YEATS2: variants seen among roughly 807,000 people sequenced by gnomAD.
The protein encoded by YEATS2 is YEATS domain-containing protein 2.
A neutral mutation model predicts 163.2 loss-of-function variants in YEATS2; 77 were observed. That is an observed-to-expected ratio of 0.47 (90% CI 0.39 to 0.57). The LOEUF is 0.57. YEATS2 is among the 20% of genes least tolerant of loss of function. The pLI, the probability that YEATS2 is intolerant of heterozygous loss-of-function variation, is 0.00. For missense variants in YEATS2, 1,549 were observed against 1,729.8 expected, an observed-to-expected ratio of 0.90 and a Z score of 1.85; for synonymous variants, 631 against 645.1, an observed-to-expected ratio of 0.98 and a Z score of 0.33.
intron 15 of YEATS2, among the ~76,000 whole-genome samples, chr3:183,771,018 G>A (rs746202672): frequency 6.6e-5 from 10 of 152,164 alleles, no homozygotes; most frequent in Non-Finnish European, 1.2e-4. Context: ...TTGAACGCAT[G>A]TATGTTTCTC....
intron 21 of YEATS2, among the ~76,000 whole-genome samples, chr3:183,796,286 C>G (rs1725148936): frequency 6.6e-6 from 1 of 151,656 alleles, no homozygotes; most frequent in African/African-American, 2.4e-5. Flanking sequence ...GCGTGAGCCA[C>G]CGCACCCGAC....
At chr3:183,775,676 C>A (rs747336265) in intron 17 of YEATS2, among the ~76,000 whole-genome samples, 4 of 152,160 alleles carry the variant, frequency 2.6e-5, no homozygotes, top group Non-Finnish European at 4.4e-5. Flanking sequence ...TCATTGTACT[C>A]AGAGCCGAAA....
intron 8 of YEATS2, 33 bp from the exon 9 acceptor site, chr3:183,747,639 A>G: frequency 2.5e-6 from 4 of 1,599,022 alleles, no homozygotes; most frequent in Non-Finnish European, 3.4e-6. Context: ...AAGTGCAGTG[A>G]AATTTAACAC....
intron 1 of YEATS2, among the ~76,000 whole-genome samples, chr3:183,710,424 A>G (rs761212451): frequency 6.6e-6 from 1 of 152,336 alleles, no homozygotes; most frequent in Non-Finnish European, 1.5e-5. Context: ...TGCACATTAC[A>G]CATTATTATT....
intron 1 of YEATS2, among the ~76,000 whole-genome samples, chr3:183,705,134 C>T (rs938126786): frequency 6.6e-6 from 1 of 151,992 alleles, no homozygotes; most frequent in African/African-American, 2.4e-5. Context: ...ACTGCAGGCT[C>T]CATCTCCTGG....
At chr3:183,717,853 C>G in intron 3 of YEATS2, 105 bp downstream of exon 3, 2 of 499,876 alleles carry the variant, frequency 4.0e-6, no homozygotes, top group Admixed American at 9.6e-5. Context: ...CTTTATCCTC[C>G]TCTTTGCTTT....
At position 183,762,082 on chromosome 3, in the gene YEATS2, T is replaced by C; in HGVS notation, c.1765-15T>C. On this transcript the variant is annotated splice_polypyrimidine_tract_variant and intron_variant, in intron 14 of 30. Coordinates refer to ENST00000305135, the MANE Select transcript of YEATS2 (RefSeq NM_018023.5). The stretch of plus-strand genomic sequence containing the variant: ...TTTATGGATGTTTATTCAGTGTCAT[T>C]ATGTTTGTTGCAAGGTGATCATCAA... 1 of 1,614,088 alleles carries C rather than the reference T, an allele frequency of 6.2e-7. No homozygotes were observed. The highest frequency in any genetic ancestry group is 1.1e-5 in the South Asian group (1 of 91,076).
rs371347820 is a variant in YEATS2, at chr3:183,709,286, T to C, written c.-19-5858T>C. Among the ~76,000 whole-genome samples the C allele has an allele frequency of 4.6e-5, 7 of 152,334 alleles. No homozygotes were observed. In the East Asian group the frequency reaches 7.7e-4, roughly 17 times the overall value. ...CATTTACTTCTATAAAGCTTTGTTTTCTTGTGTTACTTATGGAAAAAATCA... is the reference window on the plus strand; with the variant it reads ...CATTTACTTCTATAAAGCTTTGTTTCCTTGTGTTACTTATGGAAAAAATCA... On this transcript the variant is annotated intron_variant, in intron 1 of 30. Transcript: ENST00000305135.
intron 1 of YEATS2, among the ~76,000 whole-genome samples, chr3:183,713,242 TG>T (rs1360078302): frequency 1.3e-5 from 2 of 152,202 alleles, no homozygotes; most frequent in Non-Finnish European, 2.9e-5. Context: ...TTGTTAAAAT[TG>T]GTTTCACCCA....
chr3:183,715,147 A>G lies in YEATS2; in HGVS notation c.-16A>G, dbSNP rs752734906. On this transcript the variant is annotated 5_prime_UTR_variant, in exon 2 of 31. Coordinates refer to ENST00000305135, the MANE Select transcript of YEATS2 (RefSeq NM_018023.5). ...TTAATTTATCATTGCTTCACAGTGA[A>G]GAACTGAATGTCATCATGTCTGGAA... 1 of 1,583,028 alleles carries G rather than the reference A, an allele frequency of 6.3e-7. No individual in the cohort carries two copies. The highest frequency in any genetic ancestry group is 1.1e-5 in the South Asian group (1 of 89,474).
intron 21 of YEATS2, among the ~76,000 whole-genome samples, chr3:183,792,532 T>C (rs987936961): frequency 6.6e-6 from 1 of 152,194 alleles, no homozygotes; most frequent in African/African-American, 2.4e-5. Flanking sequence ...TTATTATTAT[T>C]TTTTTGATGG....
In YEATS2 at chr3:183,728,995, G is replaced by A. The variant is rs262969; in HGVS notation, c.812+144G>A. The A allele has an allele frequency of 0.41, 370,673 of 898,160 alleles. 79,342 individuals carry two copies. The highest frequency in any genetic ancestry group is 0.54 in the East Asian group (20,309 of 37,352). The allele number at this position is 898,160 out of a possible 1,614,324, so 55.6% of individuals were successfully genotyped here. A position where few individuals can be genotyped will look rare whatever the true frequency, so the allele number is the denominator to read the frequency against. Reference sequence around the variant, plus strand: ...CTTAGTCAAAATGTAGTTGGAGGCCGGGTGGGGTGGCTCACACCTATAATC... The same window carrying A: ...CTTAGTCAAAATGTAGTTGGAGGCCAGGTGGGGTGGCTCACACCTATAATC... On this transcript the variant is annotated intron_variant, in intron 7 of 30. Transcript: ENST00000305135.
chr3:183,759,472 C>G (rs1255720278), intron 13 of YEATS2, among the ~76,000 whole-genome samples: 3 of 152,070 alleles, frequency 2.0e-5, no homozygotes, highest in Non-Finnish European at 4.4e-5. Context: ...TGACCTCTTC[C>G]CTTTTGGACA....
rs763242251 is a variant in YEATS2, at chr3:183,752,196, GCTT to G, written c.1098_1100del (p.Ser367del). The stretch of plus-strand genomic sequence containing the variant: ...TTTGACCATTCCAGCCCCAGTGAAA[GCTT>G]CTTCACCAATAAAGCAGTCACATGA... On this transcript the variant is annotated inframe_deletion, in exon 10 of 31. Coordinates refer to ENST00000305135, the MANE Select transcript of YEATS2 (RefSeq NM_018023.5). The G allele has an allele frequency of 6.2e-7, 1 of 1,614,082 alleles. No individual in the cohort carries two copies. The highest frequency in any genetic ancestry group is 8.5e-7 in the Non-Finnish European group (1 of 1,180,016).
chr3:183,719,917 T>C lies in YEATS2; in HGVS notation c.291+1325T>C, dbSNP rs115585933. Among the ~76,000 whole-genome samples the C allele has an allele frequency of 8.2e-3, 1,249 of 152,308 alleles. 12 individuals are homozygous for C. The highest frequency in any genetic ancestry group is 0.029 in the African/African-American group (1,196 of 41,574). On this transcript the variant is annotated intron_variant, in intron 4 of 30. Transcript: ENST00000305135. ...TCCTACCTTTTTCCCTCCATGATCC[T>C]GACTTTTCGGAGAAACCAGGCCATT...
intron 9 of YEATS2, among the ~76,000 whole-genome samples, chr3:183,750,707 G>A (rs1720072697): frequency 6.6e-6 from 1 of 152,086 alleles, no homozygotes; most frequent in African/African-American, 2.4e-5. Flanking sequence ...TCATGTGTTT[G>A]GTGACCATGT....
At chr3:183,723,755 T>TA (rs1716776280) in intron 5 of YEATS2, among the ~76,000 whole-genome samples, 2 of 152,100 alleles carry the variant, frequency 1.3e-5, no homozygotes, top group Admixed American at 1.3e-4. Flanking sequence ...CTACTAAAAA[T>TA]ACAAAAATTA....
chr3:183,773,797 T>G lies in YEATS2; in HGVS notation c.2368+3T>G, dbSNP rs760226660. 3.7e-6 allele frequency: 6 copies of G among 1,600,380 alleles called. No individual in the cohort carries two copies. The highest frequency in any genetic ancestry group is 5.1e-6 in the Non-Finnish European group (6 of 1,176,048). On this transcript the variant is annotated splice_donor_region_variant and intron_variant, in intron 17 of 30. Coordinates refer to ENST00000305135, the MANE Select transcript of YEATS2 (RefSeq NM_018023.5). Reference sequence around the variant, plus strand: ...CCTGCGAGCTACGAACAATGCTAGTTAGTGAAACCATTGGGTTGAATCATT... The same window carrying G: ...CCTGCGAGCTACGAACAATGCTAGTGAGTGAAACCATTGGGTTGAATCATT...
At chr3:183,718,640 G>A (rs1716159807) in intron 4 of YEATS2, 48 bp downstream of exon 4, 4 of 1,391,872 alleles carry the variant, frequency 2.9e-6, no homozygotes, top group Non-Finnish European at 4.0e-6. Flanking sequence ...CATATTTGTT[G>A]TCTGAGGGGA....
Sources: allele counts gnomAD v4.1 joint callset (sites outside exome capture counted in the v4.1 genomes callset), GRCh38; gene constraint gnomAD v4.1.1; transcripts MANE v1.5; gene names NCBI Gene and HGNC (gene_info 2026-07-23, HGNC 2026-07-21).